The following PTPRD variants were observed in gnomAD, a reference collection of about 807,000 sequenced individuals.
PTPRD encodes the protein protein tyrosine phosphatase receptor type D, also known as receptor-type tyrosine-protein phosphatase delta.
A neutral mutation model predicts 214.5 loss-of-function variants in PTPRD; 34 were observed. That is an observed-to-expected ratio of 0.16 (90% CI 0.12 to 0.21). PTPRD has a LOEUF of 0.21. Ranked by LOEUF, PTPRD falls within the 10% of genes least tolerant of loss-of-function variation. The pLI is 1.00. For synonymous variants in PTPRD, 1,128 were observed against 845.7 expected (o/e 1.33, Z -5.79); for missense variants, 2,545 against 2,398.7 (o/e 1.06, Z -1.27).
chr9:9,035,394 G>A (rs1396926453), intron 10 of PTPRD, among the ~76,000 whole-genome samples: 2 of 152,048 alleles, frequency 1.3e-5, no homozygotes, highest in Non-Finnish European at 2.9e-5. Flanking sequence ...ATTGAGGAAT[G>A]TCTTTCTCAA....
chr9:10,227,008 T>G (rs1458232729), intron 3 of PTPRD, among the ~76,000 whole-genome samples: 1 of 151,992 alleles, frequency 6.6e-6, no homozygotes, highest in East Asian at 1.9e-4. Context: ...TTGGCAAAAT[T>G]ATCAAAACTC....
chr9:10,394,222 C>A (rs1452396373), intron 2 of PTPRD, among the ~76,000 whole-genome samples: 1 of 143,982 alleles, frequency 6.9e-6, no homozygotes, highest in African/African-American at 2.6e-5. Context: ...ATATATATTT[C>A]TATTTCTATT....
chr9:9,691,828 G>A (rs557775178), intron 7 of PTPRD, among the ~76,000 whole-genome samples: 1 of 152,024 alleles, frequency 6.6e-6, no homozygotes, highest in African/African-American at 2.4e-5. Flanking sequence ...TAGCTGAGGT[G>A]AATGGATATC....
chr9:8,718,633 T>C (rs16928318), intron 12 of PTPRD, among the ~76,000 whole-genome samples: 8,793 of 152,276 alleles, frequency 0.058, 383 homozygotes, highest in Non-Finnish European at 0.094. Context: ...TTTTGTTTAA[T>C]CTAATTAGTC....
At chr9:8,978,983 T>A (rs1291947149) in intron 11 of PTPRD, among the ~76,000 whole-genome samples, 1 of 152,128 alleles carries the variant, frequency 6.6e-6, no homozygotes, top group East Asian at 1.9e-4. Context: ...ATTCTTTTTT[T>A]AATGTTTACA....
intron 11 of PTPRD, among the ~76,000 whole-genome samples, chr9:8,830,628 T>C (rs575919150): frequency 6.6e-6 from 1 of 152,262 alleles, no homozygotes; most frequent in South Asian, 2.1e-4. Flanking sequence ...CGACACAGTG[T>C]CCACCCTATC....
intron 11 of PTPRD, among the ~76,000 whole-genome samples, chr9:8,820,666 T>C (rs565369927): frequency 6.6e-6 from 1 of 152,172 alleles, no homozygotes; most frequent in South Asian, 2.1e-4. Context: ...TATTTTGTAT[T>C]TAAAGAAATC....
At chr9:9,311,821 T>G (rs1156987259) in intron 9 of PTPRD, among the ~76,000 whole-genome samples, 1 of 152,172 alleles carries the variant, frequency 6.6e-6, no homozygotes, top group African/African-American at 2.4e-5. Flanking sequence ...TGCAAGCAAT[T>G]GTTTTCATTG....
At chr9:8,515,685 T>C (rs59568436) in intron 21 of PTPRD, among the ~76,000 whole-genome samples, 29,622 of 152,090 alleles carry the variant, frequency 0.19, 3,182 homozygotes, top group African/African-American at 0.29. Context: ...CAGCAAAGAT[T>C]GCCAGCAAAC....
intron 7 of PTPRD, among the ~76,000 whole-genome samples, chr9:9,658,801 T>C (rs2096570015): frequency 6.6e-6 from 1 of 152,156 alleles, no homozygotes; most frequent in Non-Finnish European, 1.5e-5. Flanking sequence ...CTGTGCTTTA[T>C]AAGCATTATC....
At chr9:10,197,264 G>C (rs1182078340) in intron 3 of PTPRD, among the ~76,000 whole-genome samples, 1 of 152,066 alleles carries the variant, frequency 6.6e-6, no homozygotes, top group Non-Finnish European at 1.5e-5. Flanking sequence ...CTTTGGATAA[G>C]ACAGAGAATC....
chr9:9,604,078 T>C (rs1018691991), intron 7 of PTPRD, among the ~76,000 whole-genome samples: 51 of 152,180 alleles, frequency 3.4e-4, no homozygotes, highest in African/African-American at 1.2e-3. Flanking sequence ...TTTGCTTTTA[T>C]TACTAAAATT....
At chr9:10,027,760 G>C (rs1234286085) in intron 4 of PTPRD, among the ~76,000 whole-genome samples, 2 of 152,036 alleles carry the variant, frequency 1.3e-5, no homozygotes, top group Non-Finnish European at 2.9e-5. Context: ...AAGTATTAAT[G>C]AAATAAAATC....
intron 39 of PTPRD, among the ~76,000 whole-genome samples, chr9:8,370,183 A>G (rs1380514933): frequency 6.7e-6 from 1 of 150,362 alleles, no homozygotes; most frequent in Non-Finnish European, 1.5e-5. Context: ...ATATGTCTCT[A>G]TTCATGCACT....
At chr9:8,332,849 C>G (rs1040104601) in intron 43 of PTPRD, among the ~76,000 whole-genome samples, 5 of 152,150 alleles carry the variant, frequency 3.3e-5, no homozygotes, top group African/African-American at 1.2e-4. Flanking sequence ...CCTAAATGGT[C>G]TCTTCTCATT....
chr9:8,941,780 A>G (rs1002593530), intron 11 of PTPRD, among the ~76,000 whole-genome samples: 2 of 146,314 alleles, frequency 1.4e-5, no homozygotes, highest in Non-Finnish European at 3.0e-5. Context: ...CGTAAAACAG[A>G]TAATAAAGGT....
At chr9:10,194,341 TATATAGAGAGAGAGAGAGAGAG>T (rs1396988319) in intron 3 of PTPRD, among the ~76,000 whole-genome samples, 791 of 58,942 alleles carry the variant, frequency 0.013, 6 homozygotes, top group Admixed American at 0.052. Context: ...TATATATATA[TATATAGAGAGAGAGAGAGAGAG>T]AGAGAGAGAG....
intron 3 of PTPRD, among the ~76,000 whole-genome samples, chr9:10,155,641 G>A (rs1449325503): frequency 2.0e-5 from 3 of 152,098 alleles, no homozygotes; most frequent in Admixed American, 6.6e-5. Flanking sequence ...ATGTTTGAGA[G>A]TTTTTAACAT....
At chr9:10,138,486 G>A (rs2098958503) in intron 3 of PTPRD, among the ~76,000 whole-genome samples, 1 of 151,992 alleles carries the variant, frequency 6.6e-6, no homozygotes, top group Admixed American at 6.6e-5. Context: ...AATTCTAACA[G>A]ATGTACATAG....
Sources: allele counts gnomAD v4.1 joint callset (sites outside exome capture counted in the v4.1 genomes callset), GRCh38; gene constraint gnomAD v4.1.1; transcripts MANE v1.5; gene names NCBI Gene and HGNC (gene_info 2026-07-23, HGNC 2026-07-21).